PPP3CA: variants seen among roughly 807,000 people sequenced by gnomAD.
PPP3CA encodes protein phosphatase 3 catalytic subunit alpha.
In PPP3CA, 14 loss-of-function variants were observed where a neutral mutation model predicts 66.5. The observed-to-expected ratio is 0.21, with a 90% CI of 0.14 to 0.33. The LOEUF is 0.33. Among genes scored for constraint, PPP3CA ranks in the 10% least tolerant of loss-of-function variants. The pLI is 1.00. For missense variants in PPP3CA, 317 were observed against 639.5 expected (o/e 0.50, Z 5.44); for synonymous variants, 232 against 226.2 (o/e 1.03, Z -0.23).
chr4:101,069,716 C>CAA (rs1728831332), intron 8 of PPP3CA, among the ~76,000 whole-genome samples: 2 of 150,560 alleles, frequency 1.3e-5, no homozygotes, highest in Non-Finnish European at 2.9e-5. Context: ...CCTCTTCCTT[C>CAA]TCCTCAGCCT....
intron 11 of PPP3CA, among the ~76,000 whole-genome samples, chr4:101,034,560 G>C (rs1235518197): frequency 1.4e-5 from 2 of 138,510 alleles, no homozygotes; most frequent in Admixed American, 1.7e-4. Flanking sequence ...TTTAATCACT[G>C]CTGCATCCAC....
intron 1 of PPP3CA, among the ~76,000 whole-genome samples, chr4:101,346,009 C>G (rs1179001169): frequency 6.6e-6 from 1 of 152,094 alleles, no homozygotes; most frequent in African/African-American, 2.4e-5. Flanking sequence ...CCGGGGCGTG[C>G]GGGGGAAATC....
chr4:101,132,761 C>T (rs570566674), intron 2 of PPP3CA, among the ~76,000 whole-genome samples: 140 of 152,318 alleles, frequency 9.2e-4, no homozygotes, highest in Non-Finnish European at 1.8e-3. Flanking sequence ...AGGCCAGCAT[C>T]ATCCTGACAC....
chr4:101,262,690 T>G (rs1171479791), intron 1 of PPP3CA, among the ~76,000 whole-genome samples: 2 of 152,126 alleles, frequency 1.3e-5, no homozygotes, highest in Non-Finnish European at 2.9e-5. Context: ...CTCTCATGGT[T>G]TTGTTCTCCT....
chr4:101,092,553 A>G (rs10013584), intron 6 of PPP3CA, among the ~76,000 whole-genome samples: 27,891 of 151,686 alleles, frequency 0.18, 3,260 homozygotes, highest in African/African-American at 0.32. Flanking sequence ...CGTCATCTAC[A>G]TTAGATATTT....
chr4:101,086,754 T>C (rs911650186), intron 6 of PPP3CA, among the ~76,000 whole-genome samples: 1 of 152,244 alleles, frequency 6.6e-6, no homozygotes, highest in Non-Finnish European at 1.5e-5. Context: ...TGTTGTAGTG[T>C]AAATTATATT....
intron 1 of PPP3CA, among the ~76,000 whole-genome samples, chr4:101,295,337 T>TATATTCACTC (rs1396666215): frequency 2.7e-5 from 4 of 147,058 alleles, no homozygotes; most frequent in Non-Finnish European, 6.0e-5. Flanking sequence ...AAAAAGAAAG[T>TATATTCACTC]ATATTCACTC....
At chr4:101,285,087 T>A (rs1191456700) in intron 1 of PPP3CA, among the ~76,000 whole-genome samples, 1 of 151,994 alleles carries the variant, frequency 6.6e-6, no homozygotes, top group Non-Finnish European at 1.5e-5. Flanking sequence ...AGACAAGGAT[T>A]CTCTATCTTG....
At chr4:101,343,152 A>T (rs941551540) in intron 1 of PPP3CA, among the ~76,000 whole-genome samples, 1 of 152,206 alleles carries the variant, frequency 6.6e-6, no homozygotes, top group African/African-American at 2.4e-5. Flanking sequence ...AGTTTCTAAA[A>T]TTTCTACCAT....
chr4:101,295,097 C>G (rs1364162359), intron 1 of PPP3CA, among the ~76,000 whole-genome samples: 4 of 150,394 alleles, frequency 2.7e-5, no homozygotes, highest in African/African-American at 9.8e-5. Context: ...GTCAGGAGAT[C>G]GAGACCATCC....
intron 2 of PPP3CA, among the ~76,000 whole-genome samples, chr4:101,194,561 T>C (rs1396743087): frequency 6.6e-6 from 1 of 152,096 alleles, no homozygotes; most frequent in Admixed American, 6.6e-5. Context: ...AGCTGTATAC[T>C]ATACAATTTT....
intron 2 of PPP3CA, among the ~76,000 whole-genome samples, chr4:101,119,008 A>G (rs1463253050): frequency 6.6e-6 from 1 of 150,690 alleles, no homozygotes; most frequent in Non-Finnish European, 1.5e-5. Context: ...TGTAAGGAAG[A>G]AAAAAGCTTG....
At chr4:101,275,897 T>G (rs1560693317) in intron 1 of PPP3CA, among the ~76,000 whole-genome samples, 1 of 151,406 alleles carries the variant, frequency 6.6e-6, no homozygotes, top group Non-Finnish European at 1.5e-5. Context: ...GTTTGTTTTT[T>G]GTTTTTTGTT....
intron 1 of PPP3CA, among the ~76,000 whole-genome samples, chr4:101,273,502 C>T (rs1351103104): frequency 6.6e-6 from 1 of 152,090 alleles, no homozygotes; most frequent in Non-Finnish European, 1.5e-5. Flanking sequence ...AATTTTTGTA[C>T]TATTAGTAGA....
intron 1 of PPP3CA, among the ~76,000 whole-genome samples, chr4:101,205,353 G>C (rs1226861819): frequency 1.3e-5 from 2 of 151,656 alleles, no homozygotes; most frequent in Non-Finnish European, 2.9e-5. Flanking sequence ...TAAGCTCTGG[G>C]GTACATGAAT....
intron 1 of PPP3CA, among the ~76,000 whole-genome samples, chr4:101,231,669 T>C (rs1725967090): frequency 6.6e-6 from 1 of 151,776 alleles, no homozygotes; most frequent in Non-Finnish European, 1.5e-5. Context: ...ACACATATCT[T>C]GCTGCAAATA....
chr4:101,346,161 G>T (rs1371577550), intron 1 of PPP3CA, among the ~76,000 whole-genome samples: 1 of 151,500 alleles, frequency 6.6e-6, no homozygotes, highest in Admixed American at 6.6e-5. Flanking sequence ...CCGCTCTCTC[G>T]CGAGTCCTGT....
intron 2 of PPP3CA, among the ~76,000 whole-genome samples, chr4:101,144,114 G>T (rs984770626): frequency 6.6e-6 from 1 of 152,030 alleles, no homozygotes; most frequent in African/African-American, 2.4e-5. Flanking sequence ...GTCTGTCTTG[G>T]TTCAAGCGCT....
chr4:101,244,440 G>A (rs1726411017), intron 1 of PPP3CA, among the ~76,000 whole-genome samples: 1 of 152,120 alleles, frequency 6.6e-6, no homozygotes, highest in African/African-American at 2.4e-5. Flanking sequence ...AGCACACAAA[G>A]AAGTCAGCAC....
Sources: gnomAD v4.1 joint callset for allele counts (sites outside exome capture counted in the v4.1 genomes callset) on GRCh38, gnomAD v4.1.1 for gene constraint, MANE v1.5 for transcripts, NCBI Gene and HGNC (gene_info 2026-07-23, HGNC 2026-07-21) for gene names.